The following WDCP variants were observed in gnomAD, a reference collection of about 807,000 sequenced individuals.
The protein encoded by WDCP is WD repeat and coiled coil containing.
In WDCP, 19 loss-of-function variants were observed where a neutral mutation model predicts 41.6. The ratio of observed to expected loss-of-function variants is 0.46; its 90% confidence interval spans 0.32 to 0.67. WDCP has a LOEUF of 0.67. Among genes scored for constraint, WDCP ranks in the 30% least tolerant of loss-of-function variants. The pLI is 0.04. For synonymous variants in WDCP, 302 were observed against 320.8 expected (o/e 0.94, Z 0.63); for missense variants, 802 against 850.7 (o/e 0.94, Z 0.71).
At position 24,034,377 on chromosome 2, in the gene WDCP, G is replaced by A. The variant is rs141143290; in HGVS notation, c.1819-1431C>T. 3.7e-3 allele frequency among the ~76,000 whole-genome samples: 567 copies of A among 152,154 alleles called. 2 individuals carry two copies. The highest frequency in any genetic ancestry group is 0.012 in the African/African-American group (515 of 41,520). ...GGAGGTTGCAGTGAGCCAAGATCGC[G>A]CCACTGCACTCCGGCCTGGGTGACA... On this transcript the variant is annotated intron_variant, in intron 2 of 3. Coordinates refer to ENST00000295148, the MANE Select transcript of WDCP (RefSeq NM_025203.3).
chr2:24,030,333 C>T lies in WDCP; in HGVS notation c.*600G>A, dbSNP rs1175555907. Reference sequence around the variant, plus strand: ...TTTTTAAGAGTACCTGGACCTTCGTCAGCCAGAATTTGTTAAGGAAGCAAG... The same window carrying T: ...TTTTTAAGAGTACCTGGACCTTCGTTAGCCAGAATTTGTTAAGGAAGCAAG... On this transcript the variant is annotated 3_prime_UTR_variant, in exon 4 of 4. Transcript: ENST00000295148. 6.6e-6 allele frequency: 1 copy of T among 152,144 alleles called. No individual in the cohort carries two copies. Among genetic ancestry groups the T allele is most frequent in the Non-Finnish European group, 1.5e-5 (1 of 68,040 alleles). 9.4% of individuals were successfully genotyped at this position (152,144 alleles called of 1,614,324 possible).
chr2:24,039,567 T>C (rs1429537938), intron 1 of WDCP, 55 bp from the exon 2 acceptor site: 4 of 1,516,484 alleles, frequency 2.6e-6, no homozygotes, highest in Non-Finnish European at 2.7e-6. Flanking sequence ...AAATCTAGAA[T>C]GTAGGACATT....
intron 1 of WDCP, among the ~76,000 whole-genome samples, chr2:24,041,347 A>G (rs1222128904): frequency 6.6e-6 from 1 of 151,904 alleles, no homozygotes; most frequent in Admixed American, 6.6e-5. Context: ...CTCCAAAAAA[A>G]AAAAAAAACT....
At chr2:24,032,789 C>G (rs1253044243) in intron 3 of WDCP, 40 bp downstream of exon 3, 3 of 1,150,624 alleles carry the variant, frequency 2.6e-6, no homozygotes, top group Non-Finnish European at 4.0e-6. Flanking sequence ...GTGGGGGAGG[C>G]AAGGATGTTA....
chr2:24,034,096 A>T (rs1484554962), intron 2 of WDCP, among the ~76,000 whole-genome samples: 4 of 152,230 alleles, frequency 2.6e-5, no homozygotes, highest in African/African-American at 9.6e-5. Flanking sequence ...TACTTTTCTC[A>T]TTACAAAAGG....
intron 1 of WDCP, among the ~76,000 whole-genome samples, chr2:24,039,914 C>T (rs1227982616): frequency 6.6e-6 from 1 of 152,062 alleles, no homozygotes; most frequent in Non-Finnish European, 1.5e-5. Flanking sequence ...TCTTCTGCCT[C>T]AGCCTCCAGA....
intron 2 of WDCP, among the ~76,000 whole-genome samples, chr2:24,033,740 C>A (rs1472900455): frequency 1.3e-5 from 2 of 151,906 alleles, no homozygotes; most frequent in African/African-American, 4.8e-5. Flanking sequence ...GACTCCATCT[C>A]TAAATAAATA....
chr2:24,039,450 C>T lies in WDCP; in HGVS notation c.45G>A (p.Ala15=), dbSNP rs755618773. 321 of 1,614,052 alleles carry T rather than the reference C, an allele frequency of 2.0e-4. No individual in the cohort carries two copies. Among genetic ancestry groups the T allele is most frequent in the Non-Finnish European group, 2.5e-4 (299 of 1,179,992 alleles). ...GGATCGGATGCACTGCTTGATGCAA[C>T]GCATTCAGTCCAGTCCTGAGTAGTT... is the stretch of plus-strand genomic sequence containing the variant. ...KGKLLRTGLN[A]LHQAVHPIHG... is the part of the protein sequence containing the mutation. The change falls in exon 2 of 4, where the codon GCG becomes GCA. Residue 15 remains alanine, a synonymous_variant. Transcript: ENST00000295148.
chr2:24,035,470 T>C (rs1454733981), intron 2 of WDCP, among the ~76,000 whole-genome samples: 1 of 152,134 alleles, frequency 6.6e-6, no homozygotes, highest in Non-Finnish European at 1.5e-5. Flanking sequence ...TATACAGTTT[T>C]TATTAAAATA....
chr2:24,040,627 T>C (rs1181054867), intron 1 of WDCP, among the ~76,000 whole-genome samples: 1 of 152,264 alleles, frequency 6.6e-6, no homozygotes. Context: ...TATCTTACAA[T>C]AATCTTTTAA....
At chr2:24,044,278 G>C (rs769487654) in intron 1 of WDCP, among the ~76,000 whole-genome samples, 4 of 151,700 alleles carry the variant, frequency 2.6e-5, no homozygotes, top group South Asian at 2.1e-4. Flanking sequence ...TTTTTTTTGG[G>C]GGGGGCGTGG....
At chr2:24,032,394 C>T (rs762892182) in intron 3 of WDCP, among the ~76,000 whole-genome samples, 1 of 152,142 alleles carries the variant, frequency 6.6e-6, no homozygotes, top group Non-Finnish European at 1.5e-5. Flanking sequence ...CCCAGCTACT[C>T]AGGAGGCTGA....
In WDCP at chr2:24,033,250, A is replaced by C. The variant is rs1663151340; in HGVS notation, c.1819-304T>G. ...GATGGACAGCAGCCTGAGAGACACA[A>C]TCTGACGGTAAGAACACCTTCTTGG... On this transcript the variant is annotated intron_variant, in intron 2 of 3. Transcript: ENST00000295148. 1.4e-5 allele frequency: 7 copies of C among 496,790 alleles called. No homozygotes were observed. In the Admixed American group the frequency reaches 1.8e-4, roughly 13 times the overall value. 30.8% of individuals were successfully genotyped at this position (496,790 alleles called of 1,614,324 possible). A position where few individuals can be genotyped will look rare whatever the true frequency, so the allele number is the denominator to read the frequency against.
intron 2 of WDCP, among the ~76,000 whole-genome samples, chr2:24,035,306 T>C (rs1397473669): frequency 6.7e-6 from 1 of 150,352 alleles, no homozygotes; most frequent in Non-Finnish European, 1.5e-5. Context: ...AAGGTGTGTA[T>C]ATCACCTTCC....
In WDCP at chr2:24,039,371, G is replaced by A. The variant is rs1362565981; in HGVS notation, c.124C>T (p.His42Tyr). 1.2e-6 allele frequency: 2 copies of A among 1,614,250 alleles called. No homozygotes were observed. Among genetic ancestry groups the A allele is most frequent in the South Asian group, 2.2e-5 (2 of 91,088 alleles). ...TCCCCAAACTTGACCTCTCCACTGT[G>A]AAGCCGCAAATCAGTTAGGACAACT... Reference protein sequence around the residue: ...NQVVLTDLRLHSGEVKFGDSK... With the variant: ...NQVVLTDLRLYSGEVKFGDSK... The change falls in exon 2 of 4, where the codon CAC becomes TAC. Residue 42 changes from histidine (H) to tyrosine (Y), a missense_variant. Physicochemically the swap from His to Tyr is moderately conservative, Grantham distance 83. Around this residue, in one of 5 missense-constraint regions of WDCP, gnomAD observed 214 missense variants for 252.9 expected, o/e 0.85. Transcript: ENST00000295148.
At chr2:24,039,944 C>T (rs1476115570) in intron 1 of WDCP, among the ~76,000 whole-genome samples, 14 of 151,936 alleles carry the variant, frequency 9.2e-5, no homozygotes, top group Admixed American at 8.5e-4. Context: ...ATTACAGGTG[C>T]CTGCCACCAG....
rs369994997 is a variant in WDCP at position 24,038,186 on chromosome 2, G to A, written c.1309C>T (p.Pro437Ser). ...IVREIMLEEEPSITSGESQTT... is the reference protein window; with the variant it reads ...IVREIMLEEESSITSGESQTT... Reference sequence around the variant, plus strand: ...TGGCTTTCACCTGATGTTATTGAAGGTTCTTCTTCCAACATTATTTCTCTA... The same window carrying A: ...TGGCTTTCACCTGATGTTATTGAAGATTCTTCTTCCAACATTATTTCTCTA... The change falls in exon 2 of 4, where the codon CCT becomes TCT. Residue 437 changes from proline to serine, a missense_variant. This residue lies in a region of WDCP where 13 missense variants were observed against 31.8 expected (regional missense o/e 0.41). Coordinates refer to ENST00000295148, the MANE Select transcript of WDCP (RefSeq NM_025203.3). The A allele has an allele frequency of 1.7e-5, 27 of 1,614,044 alleles. No homozygotes were observed. The Admixed American group carries it at 2.3e-4, about 14-fold the overall frequency.
intron 2 of WDCP, among the ~76,000 whole-genome samples, chr2:24,035,479 TAC>T (rs1663215909): frequency 6.6e-6 from 1 of 152,096 alleles, no homozygotes; most frequent in South Asian, 2.1e-4. Context: ...TTTATTAAAA[TAC>T]AGTTTTGCTT....
intron 1 of WDCP, among the ~76,000 whole-genome samples, chr2:24,041,671 G>A (rs2150953008): frequency 6.6e-6 from 1 of 151,706 alleles, no homozygotes; most frequent in Admixed American, 6.6e-5. Flanking sequence ...TGGCCAACAT[G>A]GTGAAACCCC....
Sources: gnomAD v4.1 joint callset for allele counts (sites outside exome capture counted in the v4.1 genomes callset) on GRCh38, gnomAD v4.1.1 for gene constraint, gnomAD v4.1.1 regional missense constraint, MANE v1.5 for transcripts, NCBI Gene and HGNC (gene_info 2026-07-23, HGNC 2026-07-21) for gene names.